CCDC180: variants seen among roughly 807,000 people sequenced by gnomAD.
CCDC180 encodes coiled-coil domain containing 180.
A neutral mutation model predicts 209.2 loss-of-function variants in CCDC180; 154 were observed. That is an observed-to-expected ratio of 0.74 (90% CI 0.65 to 0.84). The LOEUF is 0.84. Among genes scored for constraint, CCDC180 ranks in the 40% least tolerant of loss-of-function variants. The pLI is 0.00. For synonymous variants in CCDC180, 778 were observed against 749.1 expected, an observed-to-expected ratio of 1.04 and a Z score of -0.63; for missense variants, 1,874 against 1,997.3, an observed-to-expected ratio of 0.94 and a Z score of 1.18.
At chr9:97,347,617 C>A in intron 20 of CCDC180, 128 bp downstream of exon 20, 1 of 890,444 alleles carries the variant, frequency 1.1e-6, no homozygotes, top group Non-Finnish European at 1.7e-6. Flanking sequence ...TCTCATCACA[C>A]CATGGAAGAT....
rs1313132982 is a variant in CCDC180 at position 97,326,590 on chromosome 9, C to G, written c.1582C>G (p.Leu528Val). The G allele has an allele frequency of 4.3e-6, 7 of 1,613,716 alleles. No individual in the cohort carries two copies. The highest frequency in any genetic ancestry group is 5.1e-6 in the Non-Finnish European group (6 of 1,179,784). Residue 528 changes from leucine (L) to valine (V), a missense_variant, in exon 15 of 37, where the codon CTG becomes GTG. Physicochemically the swap from Leu to Val is conservative, Grantham distance 32. Transcript: ENST00000529487. ...EAHLDRLLDQ[L>V]RQQSDKETLA... ...CCACCTCGATAGGCTCTTGGACCAA[C>G]TGAGGCAGCAAAGTGACAAAGAAAC...
In CCDC180 at chr9:97,307,714, C is replaced by A; in HGVS notation, c.-174C>A. On this transcript the variant is annotated 5_prime_UTR_variant, in exon 1 of 37. Transcript: ENST00000529487. ...GGCAGAGTGAAGCACAAGCAATAAT[C>A]CTGTATTATTCGCGTTCCCAGAGTC... The A allele has an allele frequency of 6.2e-7, 1 of 1,607,590 alleles. No homozygotes were observed. The highest frequency in any genetic ancestry group is 8.5e-7 in the Non-Finnish European group (1 of 1,174,132).
chr9:97,359,945 G>C (rs371993568), intron 25 of CCDC180, 37 bp from the exon 26 acceptor site: 31 of 1,610,376 alleles, frequency 1.9e-5, no homozygotes, highest in Non-Finnish European at 2.5e-5. Flanking sequence ...CCTGCAGTCT[G>C]CTTCCTTGGG....
At chr9:97,371,986 A>G (rs537417546) in intron 34 of CCDC180, 14 of 245,044 alleles carry the variant, frequency 5.7e-5, no homozygotes, top group African/African-American at 2.7e-4. Flanking sequence ...GCTAGAAGCC[A>G]TAGAGGGAAT....
intron 31 of CCDC180, among the ~76,000 whole-genome samples, chr9:97,367,044 CAG>C (rs1175928054): frequency 2.0e-5 from 3 of 152,134 alleles, no homozygotes; most frequent in African/African-American, 4.8e-5. Flanking sequence ...AGTTTATTTA[CAG>C]AGTTATGCAA....
chr9:97,336,785 C>T (rs1330811408), intron 18 of CCDC180, among the ~76,000 whole-genome samples: 1 of 152,172 alleles, frequency 6.6e-6, no homozygotes, highest in Non-Finnish European at 1.5e-5. Flanking sequence ...TTGATTCTTC[C>T]TATCCATGAG....
chr9:97,373,973 A>C (rs1827169419), intron 34 of CCDC180: 1 of 152,814 alleles, frequency 6.5e-6, no homozygotes, highest in African/African-American at 2.4e-5. Context: ...ACCAGGCCCT[A>C]GGAGGCCTCT....
intron 3 of CCDC180, among the ~76,000 whole-genome samples, chr9:97,309,935 C>T (rs1418321969): frequency 6.6e-6 from 1 of 152,188 alleles, no homozygotes; most frequent in Non-Finnish European, 1.5e-5. Flanking sequence ...GGCTATGGGA[C>T]AGGGGTCAGG....
At chr9:97,349,655 G>A (rs555675855) in intron 21 of CCDC180, among the ~76,000 whole-genome samples, 199 of 152,300 alleles carry the variant, frequency 1.3e-3, no homozygotes, top group African/African-American at 4.5e-3. Flanking sequence ...GAGAAAGATG[G>A]GAGAGGGTTG....
At chr9:97,312,037 T>G in intron 3 of CCDC180, 76 bp from the exon 4 acceptor site, 1 of 1,269,756 alleles carries the variant, frequency 7.9e-7, no homozygotes, top group African/African-American at 1.5e-5. Flanking sequence ...AACCACCCCT[T>G]GGTGCCCTTA....
intron 2 of CCDC180, among the ~76,000 whole-genome samples, 163 bp downstream of exon 2, chr9:97,308,295 A>G (rs988382423): frequency 6.6e-5 from 10 of 152,360 alleles, no homozygotes; most frequent in African/African-American, 1.7e-4. Flanking sequence ...AATCGTACCA[A>G]TACAAAATTA....
intron 5 of CCDC180, 74 bp from the exon 6 acceptor site, chr9:97,314,319 C>T (rs1833084162): frequency 1.3e-6 from 2 of 1,566,870 alleles, no homozygotes; most frequent in South Asian, 1.1e-5. Flanking sequence ...CTGGCACTTC[C>T]CCCATGACAG....
At chr9:97,312,390 T>A (rs1240177111) in intron 4 of CCDC180, among the ~76,000 whole-genome samples, 189 bp downstream of exon 4, 1 of 151,992 alleles carries the variant, frequency 6.6e-6, no homozygotes, top group Non-Finnish European at 1.5e-5. Flanking sequence ...TGCAGAGAGC[T>A]GGGGGAGGAG....
chr9:97,337,345 C>T (rs1010128017), intron 18 of CCDC180, among the ~76,000 whole-genome samples: 7 of 152,128 alleles, frequency 4.6e-5, no homozygotes, highest in African/African-American at 1.7e-4. Context: ...TCCATCAATA[C>T]CTAGTTTATT....
chr9:97,350,654 G>C lies in CCDC180; in HGVS notation c.3002+99G>C, dbSNP rs560511051. 3 of 1,278,690 alleles carry C rather than the reference G, an allele frequency of 2.3e-6. No homozygotes were observed. In the African/African-American group the frequency reaches 4.5e-5, roughly 19 times the overall value. The allele number at this position is 1,278,690 out of a possible 1,614,324, so 79.2% of individuals were successfully genotyped here. A position where few individuals can be genotyped will look rare whatever the true frequency, so the allele number is the denominator to read the frequency against. ...AATTTTTAGTTTTGACAAAATAAAC[G>C]TAACATCAAACTTAACATCTTAACC... On this transcript the variant is annotated intron_variant, in intron 22 of 36. Transcript: ENST00000529487.
intron 9 of CCDC180, among the ~76,000 whole-genome samples, chr9:97,318,156 G>A (rs187400086): frequency 2.6e-5 from 4 of 152,278 alleles, no homozygotes; most frequent in Admixed American, 1.3e-4. Flanking sequence ...GCAGGCAGGC[G>A]GTGGTCAGGA....
intron 24 of CCDC180, among the ~76,000 whole-genome samples, chr9:97,355,387 C>T (rs1428507134): frequency 1.3e-5 from 2 of 152,138 alleles, no homozygotes. Context: ...AATTCCTGGG[C>T]TCAAGCGATC....
At position 97,361,853 on chromosome 9, in the gene CCDC180, C is replaced by A. The variant is rs370381400; in HGVS notation, c.3611C>A (p.Pro1204His). 6.8e-5 allele frequency: 110 copies of A among 1,614,064 alleles called. No individual in the cohort carries two copies. Among genetic ancestry groups the A allele is most frequent in the Non-Finnish European group, 9.2e-5 (109 of 1,180,042 alleles). ...ACCCAGCTGAGCCGCGTGGGGAAGC[C>A]CCTGATTGAGGACCCAGCTGTGGAT... ...SFTQLSRVGK[P>H]LIEDPAVDVI... The change falls in exon 27 of 37, where the codon CCC becomes CAC. Residue 1204 changes from proline (P) to histidine (H), a missense_variant. By Grantham distance (77) the Pro-to-His change is moderately conservative (BLOSUM62 -2). Transcript: ENST00000529487.
chr9:97,362,536 A>G, intron 28 of CCDC180, 95 bp downstream of exon 28: 1 of 1,520,104 alleles, frequency 6.6e-7, no homozygotes, highest in South Asian at 1.3e-5. Flanking sequence ...TTTTCCTCAG[A>G]AGGCACCACA....
Sources: gnomAD v4.1 joint callset for allele counts (sites outside exome capture counted in the v4.1 genomes callset) on GRCh38, gnomAD v4.1.1 for gene constraint, MANE v1.5 for transcripts, NCBI Gene and HGNC (gene_info 2026-07-23, HGNC 2026-07-21) for gene names.